The following LRRTM3 variants were observed in gnomAD, a reference collection of about 807,000 sequenced individuals.
The protein encoded by LRRTM3 is leucine-rich repeat transmembrane neuronal protein 3.
In LRRTM3, 24 loss-of-function variants were observed where a neutral mutation model predicts 44.7. The observed-to-expected ratio is 0.54, with a 90% CI of 0.39 to 0.76. The LOEUF is 0.76. Among genes scored for constraint, LRRTM3 ranks in the 30% least tolerant of loss-of-function variants. The pLI is 0.00. For synonymous variants in LRRTM3, 277 were observed against 278.7 expected, an observed-to-expected ratio of 0.99 and a Z score of 0.06; for missense variants, 587 against 702.2, an observed-to-expected ratio of 0.84 and a Z score of 1.85.
At position 67,039,552 on chromosome 10, in the gene LRRTM3, T is replaced by A. The variant is rs548679460; in HGVS notation, c.1537-58035T>A. On this transcript the variant is annotated intron_variant, in intron 2 of 2. Transcript: ENST00000361320. ...AATTTATTAGGAGAGTTGTTGATAC[T>A]TTTTTTGTTTAAAAAATAATTATTA... is the stretch of plus-strand genomic sequence containing the variant. Among the ~76,000 whole-genome samples, 12 of 152,142 alleles carry A rather than the reference T, an allele frequency of 7.9e-5. No homozygotes were observed. The South Asian group carries it at 2.1e-3, about 26-fold the overall frequency.
At chr10:66,998,997 G>A (rs1272369536) in intron 2 of LRRTM3, among the ~76,000 whole-genome samples, 1 of 152,032 alleles carries the variant, frequency 6.6e-6, no homozygotes, top group Non-Finnish European at 1.5e-5. Context: ...CAGAACTTCT[G>A]TGCATATAAG....
At chr10:67,071,365 C>T (rs1344584971) in intron 2 of LRRTM3, among the ~76,000 whole-genome samples, 3 of 124,050 alleles carry the variant, frequency 2.4e-5, no homozygotes, top group East Asian at 2.3e-4. Flanking sequence ...GTCTTTGTTT[C>T]GATATTTTCA....
At chr10:66,931,276 T>C (rs1045595988) in intron 2 of LRRTM3, among the ~76,000 whole-genome samples, 1 of 145,254 alleles carries the variant, frequency 6.9e-6, no homozygotes, top group African/African-American at 2.5e-5. Context: ...AGAGAAGAAA[T>C]GGGATTTAGT....
chr10:67,094,949 A>G (rs1053701520), intron 2 of LRRTM3, among the ~76,000 whole-genome samples: 3 of 151,566 alleles, frequency 2.0e-5, no homozygotes, highest in Non-Finnish European at 4.4e-5. Flanking sequence ...TATCACCAAA[A>G]TTTGCATTTT....
chr10:67,022,208 A>G (rs1487174740), intron 2 of LRRTM3, among the ~76,000 whole-genome samples: 1 of 152,214 alleles, frequency 6.6e-6, no homozygotes, highest in Non-Finnish European at 1.5e-5. Flanking sequence ...CAACACTTCC[A>G]ATATAAAAGA....
At chr10:67,062,558 A>C (rs1925586) in intron 2 of LRRTM3, among the ~76,000 whole-genome samples, 52,616 of 151,708 alleles carry the variant, frequency 0.35, 9,637 homozygotes, top group Middle Eastern at 0.55. Flanking sequence ...TGGGGCATTA[A>C]GGCAGGCAAA....
At chr10:66,941,389 T>G (rs1245061241) in intron 2 of LRRTM3, among the ~76,000 whole-genome samples, 1 of 152,216 alleles carries the variant, frequency 6.6e-6, no homozygotes, top group African/African-American at 2.4e-5. Context: ...AGAAATAATT[T>G]GCAACTAGGC....
chr10:66,958,228 T>C (rs1392767285), intron 2 of LRRTM3, among the ~76,000 whole-genome samples: 1 of 150,984 alleles, frequency 6.6e-6, no homozygotes, highest in East Asian at 2.0e-4. Flanking sequence ...AACTGATTTA[T>C]TTGAAACAGG....
intron 2 of LRRTM3, among the ~76,000 whole-genome samples, chr10:67,089,162 A>G (rs922024037): frequency 6.6e-6 from 1 of 152,004 alleles, no homozygotes; most frequent in Non-Finnish European, 1.5e-5. Context: ...CCAATCCCCC[A>G]TGGATACTGA....
At chr10:66,964,382 A>G (rs1011509648) in intron 2 of LRRTM3, among the ~76,000 whole-genome samples, 5 of 151,880 alleles carry the variant, frequency 3.3e-5, no homozygotes, top group Non-Finnish European at 5.9e-5. Context: ...TGTTTCTCTC[A>G]TACTTTAAAA....
intron 2 of LRRTM3, among the ~76,000 whole-genome samples, chr10:66,965,259 C>G (rs922928644): frequency 1.3e-5 from 2 of 151,704 alleles, no homozygotes; most frequent in African/African-American, 2.4e-5. Context: ...TTTTTTGGCT[C>G]GGCATGGTGG....
At chr10:66,967,688 A>T (rs1482012437) in intron 2 of LRRTM3, among the ~76,000 whole-genome samples, 3 of 152,122 alleles carry the variant, frequency 2.0e-5, no homozygotes, top group Admixed American at 1.3e-4. Context: ...TTAAAAATGA[A>T]CGTTCTAAAA....
intron 2 of LRRTM3, among the ~76,000 whole-genome samples, chr10:67,057,319 G>A (rs551025068): frequency 6.6e-6 from 1 of 152,176 alleles, no homozygotes; most frequent in East Asian, 1.9e-4. Context: ...CATATGTCAA[G>A]TATACTCTAA....
intron 2 of LRRTM3, among the ~76,000 whole-genome samples, chr10:66,999,690 G>C (rs1357287598): frequency 2.0e-5 from 3 of 152,120 alleles, no homozygotes; most frequent in African/African-American, 7.2e-5. Flanking sequence ...ATAGAAAGTA[G>C]AAATGAATAA....
intron 2 of LRRTM3, among the ~76,000 whole-genome samples, chr10:67,046,834 A>G (rs191495559): frequency 7.2e-5 from 11 of 152,326 alleles, no homozygotes; most frequent in African/African-American, 2.2e-4. Flanking sequence ...AGCTTTCAAC[A>G]GGACTTTTTG....
At chr10:66,934,834 C>T (rs1160777022) in intron 2 of LRRTM3, among the ~76,000 whole-genome samples, 1 of 152,152 alleles carries the variant, frequency 6.6e-6, no homozygotes, top group African/African-American at 2.4e-5. Flanking sequence ...CATTTCATCA[C>T]ATCAATTACA....
intron 2 of LRRTM3, among the ~76,000 whole-genome samples, chr10:67,054,318 G>A (rs1437555566): frequency 6.6e-6 from 1 of 152,126 alleles, no homozygotes; most frequent in Non-Finnish European, 1.5e-5. Flanking sequence ...GTACTGAAAT[G>A]TAACAAAAGC....
At chr10:66,983,521 A>G (rs780383518) in intron 2 of LRRTM3, among the ~76,000 whole-genome samples, 50 of 150,734 alleles carry the variant, frequency 3.3e-4, no homozygotes, top group Non-Finnish European at 4.9e-4. Context: ...CTTAATAGGT[A>G]GCCACTGCCA....
intron 2 of LRRTM3, among the ~76,000 whole-genome samples, chr10:67,075,116 C>A (rs1478080058): frequency 1.3e-5 from 2 of 151,486 alleles, no homozygotes; most frequent in Non-Finnish European, 2.9e-5. Flanking sequence ...GTTACTAAGG[C>A]TCAGAGAAGA....
Sources: gnomAD v4.1 joint callset for allele counts (sites outside exome capture counted in the v4.1 genomes callset) on GRCh38, gnomAD v4.1.1 for gene constraint, MANE v1.5 for transcripts, NCBI Gene and HGNC (gene_info 2026-07-23, HGNC 2026-07-21) for gene names.